Variants in MARK2 observed in about 807,000 individuals in gnomAD.
MARK2 encodes the protein serine/threonine-protein kinase MARK2.
A neutral mutation model predicts 89.8 loss-of-function variants in MARK2; 16 were observed. The ratio of observed to expected loss-of-function variants is 0.18; its 90% confidence interval spans 0.12 to 0.27. MARK2 has a LOEUF of 0.27. Ranked by LOEUF, MARK2 falls within the 10% of genes least tolerant of loss-of-function variation. The pLI, the probability that MARK2 is intolerant of heterozygous loss-of-function variation, is 1.00. For missense variants in MARK2, 621 were observed against 1,049.9 expected (o/e 0.59, Z 5.65); for synonymous variants, 382 against 399.5 (o/e 0.96, Z 0.52).
chr11:63,876,037 G>A (rs1938732488), intron 1 of MARK2, among the ~76,000 whole-genome samples: 2 of 152,238 alleles, frequency 1.3e-5, no homozygotes, highest in Admixed American at 6.5e-5. Context: ...AGAGTTTCCA[G>A]GCCCATACAT....
At chr11:63,898,333 T>G in intron 4 of MARK2, 53 bp downstream of exon 4, 1 of 1,530,670 alleles carries the variant, frequency 6.5e-7, no homozygotes, top group Non-Finnish European at 9.1e-7. Context: ...GGCACTGCTT[T>G]CCAGCATGTC....
chr11:63,846,363 A>T (rs7946503), intron 1 of MARK2, among the ~76,000 whole-genome samples: 15,057 of 150,432 alleles, frequency 0.1, 1,068 homozygotes, highest in South Asian at 0.22. Context: ...CAAAAAAAAA[A>T]TTTTTTTTTT....
chr11:63,907,204 G>T (rs1235312229), intron 17 of MARK2, among the ~76,000 whole-genome samples: 1 of 152,202 alleles, frequency 6.6e-6, no homozygotes, highest in Admixed American at 6.5e-5. Flanking sequence ...GCTGATGGAG[G>T]AACGTCCAGA....
intron 17 of MARK2, among the ~76,000 whole-genome samples, chr11:63,907,611 G>T (rs1003050685): frequency 6.8e-6 from 1 of 148,018 alleles, no homozygotes. Flanking sequence ...TCCTCCCTGC[G>T]TATGAGCAGA....
At chr11:63,848,448 C>T (rs1167729990) in intron 1 of MARK2, among the ~76,000 whole-genome samples, 1 of 152,022 alleles carries the variant, frequency 6.6e-6, no homozygotes, top group Non-Finnish European at 1.5e-5. Context: ...TACAGTGGCA[C>T]AATCTCAGCT....
chr11:63,907,174 G>A (rs546707594), intron 17 of MARK2, among the ~76,000 whole-genome samples: 74 of 152,312 alleles, frequency 4.9e-4, no homozygotes, highest in African/African-American at 1.6e-3. Context: ...GGGATGCCTG[G>A]CAGGCACATT....
chr11:63,848,044 A>C (rs2016368211), intron 1 of MARK2, among the ~76,000 whole-genome samples: 1 of 152,212 alleles, frequency 6.6e-6, no homozygotes, highest in African/African-American at 2.4e-5. Context: ...CAGCCATAGG[A>C]AACAACCTGT....
At chr11:63,842,933 T>TA (rs1194883924) in intron 1 of MARK2, among the ~76,000 whole-genome samples, 1 of 151,708 alleles carries the variant, frequency 6.6e-6, no homozygotes, top group Non-Finnish European at 1.5e-5. Context: ...TGTTGAAGCA[T>TA]AAAAATAAAC....
At chr11:63,888,788 G>A in intron 1 of MARK2, 2 of 1,258,198 alleles carry the variant, frequency 1.6e-6, no homozygotes, top group Non-Finnish European at 2.1e-6. Flanking sequence ...TCACTGAGGA[G>A]GTGGTGGAAG....
Position 63,902,452 on chromosome 11 carries a change from G to A in MARK2, c.1234+122G>A. On this transcript the variant is annotated intron_variant, in intron 12 of 18. Coordinates refer to ENST00000402010, the MANE Select transcript of MARK2 (RefSeq NM_001039469.3). The surrounding 1 kb of genome is among the most constrained non-coding windows in gnomAD (Gnocchi z 4.2). ...TGGTTCAGCCACTTATTAGTAGTGTGGCTATGGGCAAGCCACTTCCCTTCC... is the reference window on the plus strand; with the variant it reads ...TGGTTCAGCCACTTATTAGTAGTGTAGCTATGGGCAAGCCACTTCCCTTCC... 2 of 1,429,822 alleles carry A rather than the reference G, an allele frequency of 1.4e-6. No individual in the cohort carries two copies. The highest frequency in any genetic ancestry group is 1.9e-6 in the Non-Finnish European group (2 of 1,034,338). 88.6% of individuals were successfully genotyped at this position (1,429,822 alleles called of 1,614,324 possible). A position where few individuals can be genotyped will look rare whatever the true frequency, so the allele number is the denominator to read the frequency against.
At chr11:63,839,974 C>G (rs1490259991) in intron 1 of MARK2, among the ~76,000 whole-genome samples, 1 of 152,204 alleles carries the variant, frequency 6.6e-6, no homozygotes, top group Admixed American at 6.5e-5. Context: ...CTTCGTCTCT[C>G]CTGCCTCGCT....
At chr11:63,839,589 C>G in intron 1 of MARK2, 29 bp downstream of exon 1, 1 of 1,454,472 alleles carries the variant, frequency 6.9e-7, no homozygotes. Flanking sequence ...TCCCCGAATT[C>G]TCTGGCTGGG....
At chr11:63,889,576 C>G (rs1412760673) in intron 1 of MARK2, among the ~76,000 whole-genome samples, 1 of 152,198 alleles carries the variant, frequency 6.6e-6, no homozygotes, top group South Asian at 2.1e-4. Context: ...ACACCTAGGC[C>G]GAGTCTGAGA....
chr11:63,906,100 C>G lies in MARK2; in HGVS notation c.1947C>G (p.Phe649Leu). The G allele has an allele frequency of 1.5e-6, 2 of 1,341,250 alleles. No homozygotes were observed. The highest frequency in any genetic ancestry group is 1.9e-6 in the Non-Finnish European group (2 of 1,042,042). 83.1% of individuals were successfully genotyped at this position (1,341,250 alleles called of 1,614,324 possible). The change falls in exon 17 of 19, where the codon TTC becomes TTG. Residue 649 changes from phenylalanine to leucine, a missense_variant. Phe to Leu is a conservative substitution (Grantham distance 22, BLOSUM62 0). Transcript: ENST00000402010. ...TTTGTTTTTTTAGAAATCTGTCTTT[C>G]AGGTTTGCCAGAAGGTAGGCGTTGA... is the stretch of plus-strand genomic sequence containing the variant. ...TSKFVRRNLS[F>L]RFARRNLNEP...
intron 1 of MARK2, among the ~76,000 whole-genome samples, chr11:63,862,969 G>C (rs1278962016): frequency 6.6e-6 from 1 of 152,166 alleles, no homozygotes; most frequent in Non-Finnish European, 1.5e-5. Flanking sequence ...ACAACCGTCT[G>C]TGTGCCACTT....
rs773267036 is a variant in MARK2 at position 63,888,915 on chromosome 11, G to A, written c.55-6244G>A. On this transcript the variant is annotated intron_variant, in intron 1 of 18. Coordinates refer to ENST00000402010, the MANE Select transcript of MARK2 (RefSeq NM_001039469.3). Reference sequence around the variant, plus strand: ...CGCTGCCTGACAGGTTCTGCTGTGGGCTCTGCTGAATGGAAGTCGCTGGTA... The same window carrying A: ...CGCTGCCTGACAGGTTCTGCTGTGGACTCTGCTGAATGGAAGTCGCTGGTA... The A allele has an allele frequency of 5.2e-6, 7 of 1,350,078 alleles. No individual in the cohort carries two copies. The African/African-American group carries it at 1.0e-4, about 20-fold the overall frequency. 83.6% of individuals were successfully genotyped at this position (1,350,078 alleles called of 1,614,324 possible).
At chr11:63,888,475 C>A in intron 1 of MARK2, 4 of 1,000,268 alleles carry the variant, frequency 4.0e-6, no homozygotes, top group Non-Finnish European at 3.6e-6. Flanking sequence ...GGTGGGGCTG[C>A]CCACTTCCGG....
In MARK2 at chr11:63,900,892, C is replaced by G. The variant is rs749910039; in HGVS notation, c.988+13C>G. 2 of 1,613,486 alleles carry G rather than the reference C, an allele frequency of 1.2e-6. No homozygotes were observed. The highest frequency in any genetic ancestry group is 1.7e-5 in the Admixed American group (1 of 60,008). On this transcript the variant is annotated intron_variant, in intron 10 of 18. Coordinates refer to ENST00000402010, the MANE Select transcript of MARK2 (RefSeq NM_001039469.3). The surrounding 1 kb of genome is among the most constrained non-coding windows in gnomAD (Gnocchi z 4.7). ...CCCCGGCGGACAGGTGAGGCTGTGC[C>G]GGGCTGTGAGGTTAAGCTTGCCTAG... is the stretch of plus-strand genomic sequence containing the variant.
intron 1 of MARK2, among the ~76,000 whole-genome samples, chr11:63,871,120 TTG>T (rs890019367): frequency 6.6e-6 from 1 of 151,884 alleles, no homozygotes. Flanking sequence ...ATATGCATAT[TTG>T]TGTGTGTGTG....
Sources: gnomAD v4.1 joint callset for allele counts (sites outside exome capture counted in the v4.1 genomes callset) on GRCh38, gnomAD v4.1.1 for gene constraint, Gnocchi (gnomAD v3.1) non-coding constraint, MANE v1.5 for transcripts, NCBI Gene and HGNC (gene_info 2026-07-23, HGNC 2026-07-21) for gene names.